TXK: variants seen among roughly 807,000 people sequenced by gnomAD.
TXK encodes tyrosine-protein kinase TXK.
Under a neutral mutation model 81.0 loss-of-function variants are expected in TXK, and 60 were observed. The observed-to-expected ratio is 0.74, with a 90% CI of 0.60 to 0.92. The LOEUF (loss-of-function observed/expected upper bound fraction) is 0.92, where lower values mean the gene tolerates loss of function less well. Ranked by LOEUF, TXK falls within the 40% of genes least tolerant of loss-of-function variation. TXK has a pLI of 0.00. For synonymous variants in TXK, 203 were observed against 210.7 expected, an observed-to-expected ratio of 0.96 and a Z score of 0.32; for missense variants, 581 against 638.3, an observed-to-expected ratio of 0.91 and a Z score of 0.97.
At chr4:48,126,661 C>T (rs1257171339) in intron 1 of TXK, among the ~76,000 whole-genome samples, 4 of 129,350 alleles carry the variant, frequency 3.1e-5, no homozygotes, top group East Asian at 2.1e-4. Context: ...CCACCATACC[C>T]GGCTAATTTT....
At chr4:48,072,499 G>T (rs914747034) in intron 13 of TXK, among the ~76,000 whole-genome samples, 1 of 152,210 alleles carries the variant, frequency 6.6e-6, no homozygotes, top group Non-Finnish European at 1.5e-5. Context: ...AGAATATCTA[G>T]CAGGGGCTCT....
At chr4:48,122,410 C>A (rs1469416904) in intron 1 of TXK, among the ~76,000 whole-genome samples, 5 of 152,168 alleles carry the variant, frequency 3.3e-5, no homozygotes, top group Admixed American at 1.3e-4. Context: ...CCAATCCCTC[C>A]AAGTCTTTGC....
intron 1 of TXK, among the ~76,000 whole-genome samples, chr4:48,132,289 G>T (rs1719265112): frequency 1.3e-5 from 2 of 152,012 alleles, no homozygotes; most frequent in Admixed American, 1.3e-4. Flanking sequence ...TTCCTTATCT[G>T]CAAAATAAGG....
At chr4:48,096,811 G>A (rs1718000136) in intron 6 of TXK, among the ~76,000 whole-genome samples, 2 of 152,128 alleles carry the variant, frequency 1.3e-5, no homozygotes, top group African/African-American at 2.4e-5. Context: ...TTACAGGCGT[G>A]AGCCACCATG....
At chr4:48,102,854 TATG>T (rs1279622701) in intron 6 of TXK, among the ~76,000 whole-genome samples, 1 of 152,202 alleles carries the variant, frequency 6.6e-6, no homozygotes, top group East Asian at 1.9e-4. Context: ...TCAACATACA[TATG>T]ATCTCCTTTC....
chr4:48,105,463 G>A (rs1433173717), intron 5 of TXK, among the ~76,000 whole-genome samples: 1 of 152,140 alleles, frequency 6.6e-6, no homozygotes. Context: ...ACTTACAAGT[G>A]GGAGATAACA....
intron 10 of TXK, among the ~76,000 whole-genome samples, chr4:48,084,402 C>T (rs1426363281): frequency 1.3e-5 from 2 of 152,194 alleles, no homozygotes; most frequent in Admixed American, 6.5e-5. Context: ...ACCTCAAATG[C>T]CCCATCAGGC....
intron 1 of TXK, among the ~76,000 whole-genome samples, chr4:48,126,076 A>T (rs1293541680): frequency 6.6e-6 from 1 of 152,272 alleles, no homozygotes; most frequent in Non-Finnish European, 1.5e-5. Flanking sequence ...GTTGACCCAT[A>T]AAATTAACCA....
rs140430374 is a variant in TXK at position 48,095,829 on chromosome 4, G to A, written c.502-607C>T. Among the ~76,000 whole-genome samples, 440 of 152,336 alleles carry A rather than the reference G, an allele frequency of 2.9e-3. 1 individual carries two copies. The highest frequency in any genetic ancestry group is 0.027 in the Middle Eastern group (8 of 294). On this transcript the variant is annotated intron_variant, in intron 6 of 14. Transcript: ENST00000264316. ...AAATCTGAAGTTATGTTATAAATTA[G>A]ATTCCTATTAACATTCTTTGGGAGA...
chr4:48,107,944 G>A (rs1267972577), intron 5 of TXK, among the ~76,000 whole-genome samples: 3 of 150,006 alleles, frequency 2.0e-5, no homozygotes, highest in Non-Finnish European at 3.0e-5. Context: ...GGTGGCGGGC[G>A]CCTGTAGTCC....
intron 4 of TXK, 24 bp downstream of exon 4, chr4:48,112,283 G>C: frequency 6.2e-7 from 1 of 1,605,696 alleles, no homozygotes; most frequent in Non-Finnish European, 8.5e-7. Flanking sequence ...ATTGGATACT[G>C]ACTAAGTCAT....
chr4:48,110,108 C>T (rs1718587662), intron 5 of TXK, among the ~76,000 whole-genome samples: 1 of 152,152 alleles, frequency 6.6e-6, no homozygotes, highest in Non-Finnish European at 1.5e-5. Context: ...GTGAACATGC[C>T]AAACAGTTCT....
At chr4:48,091,870 A>C (rs953536003) in intron 8 of TXK, among the ~76,000 whole-genome samples, 1 of 152,180 alleles carries the variant, frequency 6.6e-6, no homozygotes, top group Non-Finnish European at 1.5e-5. Flanking sequence ...TCAACATTGG[A>C]GGCAATAAGA....
chr4:48,077,418 C>T (rs1329153720), intron 11 of TXK, among the ~76,000 whole-genome samples: 4 of 151,636 alleles, frequency 2.6e-5, no homozygotes, highest in South Asian at 2.1e-4. Flanking sequence ...GACCAAACCA[C>T]AAGAAAAGTT....
chr4:48,079,104 T>G (rs1717191174), intron 11 of TXK, among the ~76,000 whole-genome samples: 1 of 152,220 alleles, frequency 6.6e-6, no homozygotes, highest in African/African-American at 2.4e-5. Context: ...ACTGACTCCA[T>G]CTTGCTTCTA....
At chr4:48,093,867 A>C (rs897738451) in intron 8 of TXK, among the ~76,000 whole-genome samples, 1 of 152,248 alleles carries the variant, frequency 6.6e-6, no homozygotes, top group African/African-American at 2.4e-5. Flanking sequence ...GTAGAAATAT[A>C]AGAAATTGAC....
chr4:48,111,018 A>C (rs1057131041), intron 4 of TXK, among the ~76,000 whole-genome samples: 3 of 152,244 alleles, frequency 2.0e-5, no homozygotes, highest in African/African-American at 7.2e-5. Context: ...CGCTGTAAAG[A>C]AATCCTTGAA....
rs1718603792 is a variant in TXK, at chr4:48,110,605, TACAACAAAAGAAAA to T, written c.381-16_381-3del. 1 of 1,610,926 alleles carries T rather than the reference TACAACAAAAGAAAA, an allele frequency of 6.2e-7. No individual in the cohort carries two copies. Among genetic ancestry groups the T allele is most frequent in the South Asian group, 1.1e-5 (1 of 90,694 alleles). ...TTGCTTGGGATTAAGCCTTCATTCCTACAACAAAAGAAAAAGCAAAAATCAAAATGCTTGGCATG... is the reference window on the plus strand; with the variant it reads ...TTGCTTGGGATTAAGCCTTCATTCCTAGCAAAAATCAAAATGCTTGGCATG... On this transcript the variant is annotated splice_polypyrimidine_tract_variant and splice_region_variant and intron_variant, in intron 4 of 14. Coordinates refer to ENST00000264316, the MANE Select transcript of TXK (RefSeq NM_003328.3).
At chr4:48,119,247 C>T (rs1405219734) in intron 1 of TXK, among the ~76,000 whole-genome samples, 1 of 152,198 alleles carries the variant, frequency 6.6e-6, no homozygotes, top group Non-Finnish European at 1.5e-5. Flanking sequence ...GAACACTGAG[C>T]CATTTTGCAG....
Sources: gnomAD v4.1 joint callset for allele counts (sites outside exome capture counted in the v4.1 genomes callset) on GRCh38, gnomAD v4.1.1 for gene constraint, MANE v1.5 for transcripts, NCBI Gene and HGNC (gene_info 2026-07-23, HGNC 2026-07-21) for gene names.